The following DDHD1 variants were observed in gnomAD, a reference collection of about 807,000 sequenced individuals.
DDHD1 encodes the protein phospholipase DDHD1.
DDHD1 carries 49 observed loss-of-function variants against 96.4 expected under a neutral mutation model. That is an observed-to-expected ratio of 0.51 (90% CI 0.40 to 0.64). DDHD1 has a LOEUF of 0.64. DDHD1 is among the 30% of genes least tolerant of loss of function. DDHD1 has a pLI of 0.00. For synonymous variants in DDHD1, 442 were observed against 446.5 expected, an observed-to-expected ratio of 0.99 and a Z score of 0.13; for missense variants, 1,106 against 1,161.2, an observed-to-expected ratio of 0.95 and a Z score of 0.69.
chr14:53,112,854 C>T (rs1423563938), intron 1 of DDHD1, among the ~76,000 whole-genome samples: 1 of 152,052 alleles, frequency 6.6e-6, no homozygotes, highest in East Asian at 1.9e-4. Flanking sequence ...AAACTGGCTG[C>T]ATGCTATTCA....
intron 2 of DDHD1, among the ~76,000 whole-genome samples, chr14:53,100,065 A>G (rs1429773963): frequency 6.6e-6 from 1 of 152,220 alleles, no homozygotes; most frequent in Non-Finnish European, 1.5e-5. Context: ...TGGGGAAAAA[A>G]ACAATAAAAC....
chr14:53,117,546 C>T (rs572289276), intron 1 of DDHD1, among the ~76,000 whole-genome samples: 34 of 152,290 alleles, frequency 2.2e-4, no homozygotes, highest in Middle Eastern at 3.4e-3. Context: ...TCACTGCTAG[C>T]GCAACAGTCT....
chr14:53,101,678 A>T (rs1887312619), intron 2 of DDHD1, among the ~76,000 whole-genome samples: 1 of 152,100 alleles, frequency 6.6e-6, no homozygotes, highest in Non-Finnish European at 1.5e-5. Flanking sequence ...ACGCAAAGAC[A>T]TTCTAAAAAA....
In DDHD1 at chr14:53,041,904, G is replaced by A. The variant is rs559490747; in HGVS notation, c.*4864C>T. 1 of 152,148 alleles carries A rather than the reference G, an allele frequency of 6.6e-6. No homozygotes were observed. The highest frequency in any genetic ancestry group is 2.4e-5 in the African/African-American group (1 of 41,494). 9.4% of individuals were successfully genotyped at this position (152,148 alleles called of 1,614,324 possible). ...GGTGTATGTGTGGAGGGGAGGTTGGGGGACAAAAACAAAGAGAGGCAGTTT... is the reference window on the plus strand; with the variant it reads ...GGTGTATGTGTGGAGGGGAGGTTGGAGGACAAAAACAAAGAGAGGCAGTTT... On this transcript the variant is annotated 3_prime_UTR_variant, in exon 13 of 13. Transcript: ENST00000673822.
chr14:53,052,590 C>T (rs1282815510), intron 11 of DDHD1: 3 of 151,916 alleles, frequency 2.0e-5, no homozygotes, highest in South Asian at 2.1e-4. Flanking sequence ...GAAATTATGA[C>T]GATTACACAG....
At chr14:53,128,431 GC>G (rs1193989598) in intron 1 of DDHD1, among the ~76,000 whole-genome samples, 1 of 152,176 alleles carries the variant, frequency 6.6e-6, no homozygotes, top group Non-Finnish European at 1.5e-5. Context: ...GGTTCATTGT[GC>G]CTTCTCACTG....
rs1029328390 is a variant in DDHD1, at chr14:53,097,365, C to A, written c.1013-3921G>T. On this transcript the variant is annotated intron_variant, in intron 2 of 12. Coordinates refer to ENST00000673822, the MANE Select transcript of DDHD1 (RefSeq NM_001160148.2). ...ATATCTATATGTAATTAGATGGCTA[C>A]AAAACTATAAACTGGAACTAAAAGC... 2.6e-5 allele frequency among the ~76,000 whole-genome samples: 4 copies of A among 151,892 alleles called. No homozygotes were observed. The East Asian group carries it at 7.7e-4, about 29-fold the overall frequency.
intron 1 of DDHD1, among the ~76,000 whole-genome samples, chr14:53,125,177 G>A (rs1425403301): frequency 6.6e-6 from 1 of 152,136 alleles, no homozygotes; most frequent in Non-Finnish European, 1.5e-5. Flanking sequence ...AAGACTCTTA[G>A]CCTTTTTGCA....
intron 1 of DDHD1, among the ~76,000 whole-genome samples, chr14:53,125,936 C>T (rs550565624): frequency 6.6e-6 from 1 of 152,202 alleles, no homozygotes; most frequent in South Asian, 2.1e-4. Flanking sequence ...CTCCTGACCT[C>T]GTGATCTGCC....
At chr14:53,129,850 C>A (rs893724363) in intron 1 of DDHD1, among the ~76,000 whole-genome samples, 5 of 152,194 alleles carry the variant, frequency 3.3e-5, no homozygotes, top group African/African-American at 1.2e-4. Flanking sequence ...CAGAAAACGG[C>A]ACTTTTGATT....
chr14:53,072,000 A>G (rs1884548910), intron 6 of DDHD1, among the ~76,000 whole-genome samples: 1 of 152,156 alleles, frequency 6.6e-6, no homozygotes, highest in African/African-American at 2.4e-5. Context: ...TGAGGATACT[A>G]ATCATACCTA....
chr14:53,080,271 G>GA (rs1290530674), intron 4 of DDHD1, among the ~76,000 whole-genome samples: 4 of 152,142 alleles, frequency 2.6e-5, no homozygotes, highest in African/African-American at 9.7e-5. Flanking sequence ...TGAGGCAGAA[G>GA]AATTGCTTGA....
intron 4 of DDHD1, among the ~76,000 whole-genome samples, chr14:53,074,073 G>A (rs1212360352): frequency 1.3e-5 from 2 of 151,826 alleles, no homozygotes; most frequent in Admixed American, 6.6e-5. Flanking sequence ...AATATTCTAA[G>A]CTTTTACATT....
intron 1 of DDHD1, among the ~76,000 whole-genome samples, chr14:53,106,698 TTAA>T (rs1260353971): frequency 6.6e-6 from 1 of 152,184 alleles, no homozygotes; most frequent in Non-Finnish European, 1.5e-5. Context: ...CCTGATTTTA[TTAA>T]TAATATAATC....
chr14:53,105,387 A>T (rs888045242), intron 1 of DDHD1, among the ~76,000 whole-genome samples: 2 of 152,050 alleles, frequency 1.3e-5, no homozygotes, highest in African/African-American at 4.8e-5. Flanking sequence ...TGATGTATTT[A>T]AAATTTTCTA....
At chr14:53,052,154 C>A (rs774035333) in intron 11 of DDHD1, among the ~76,000 whole-genome samples, 5 of 151,912 alleles carry the variant, frequency 3.3e-5, no homozygotes, top group Non-Finnish European at 5.9e-5. Flanking sequence ...CCAGATAGTC[C>A]CCAAATTCAT....
chr14:53,112,068 T>C (rs912503822), intron 1 of DDHD1, among the ~76,000 whole-genome samples: 1 of 152,204 alleles, frequency 6.6e-6, no homozygotes, highest in South Asian at 2.1e-4. Context: ...ATTGTCTGTG[T>C]CTCTACTGTC....
At chr14:53,128,046 T>C (rs1456528348) in intron 1 of DDHD1, among the ~76,000 whole-genome samples, 1 of 152,196 alleles carries the variant, frequency 6.6e-6, no homozygotes, top group African/African-American at 2.4e-5. Context: ...CGAGATCTAA[T>C]GGTTTTATAA....
chr14:53,103,596 T>G, intron 2 of DDHD1, 87 bp downstream of exon 2: 1 of 1,114,712 alleles, frequency 9.0e-7, no homozygotes, highest in East Asian at 2.7e-5. Context: ...CCTCCTGAAT[T>G]ATTATGTCAA....
Sources: allele counts gnomAD v4.1 joint callset (sites outside exome capture counted in the v4.1 genomes callset), GRCh38; gene constraint gnomAD v4.1.1; transcripts MANE v1.5; gene names NCBI Gene and HGNC (gene_info 2026-07-23, HGNC 2026-07-21).